Variants in XPO1 observed in about 807,000 individuals in gnomAD.
The protein encoded by XPO1 is exportin 1, also known as exportin-1.
XPO1 carries 5 observed loss-of-function variants against 133.3 expected under a neutral mutation model. The ratio of observed to expected loss-of-function variants is 0.04; its 90% confidence interval spans 0.02 to 0.08. The LOEUF (loss-of-function observed/expected upper bound fraction) is 0.08. Among genes scored for constraint, XPO1 ranks in the 10% least tolerant of loss-of-function variants. The pLI is 1.00. For missense variants in XPO1, 506 were observed against 1,267.5 expected, an observed-to-expected ratio of 0.40 and a Z score of 9.12; for synonymous variants, 419 against 408.2, an observed-to-expected ratio of 1.03 and a Z score of -0.32.
In XPO1 at chr2:61,490,377, TTAG is replaced by T. The variant is rs541971148; in HGVS notation, c.2022+262_2022+264del. The stretch of plus-strand genomic sequence containing the variant: ...CCACGCCCAGCTAATTTTTGTATTT[TTAG>T]TAGAGACGGGGTTTTGCCATGTTGG... On this transcript the variant is annotated intron_variant, in intron 17 of 24. Transcript: ENST00000401558. Among the ~76,000 whole-genome samples, 9 of 152,178 alleles carry T rather than the reference TTAG, an allele frequency of 5.9e-5. No homozygotes were observed. The East Asian group carries it at 1.7e-3, about 29-fold the overall frequency.
At chr2:61,531,771 T>C (rs1699162446) in intron 2 of XPO1, among the ~76,000 whole-genome samples, 1 of 152,238 alleles carries the variant, frequency 6.6e-6, no homozygotes, top group African/African-American at 2.4e-5. Flanking sequence ...TAAAGCTTCA[T>C]GTTGAATGTA....
chr2:61,525,693 G>C, intron 3 of XPO1: 4 of 1,026,314 alleles, frequency 3.9e-6, no homozygotes, highest in Non-Finnish European at 4.7e-6. Context: ...CTGTATTTTT[G>C]ACCTAAAATT....
chr2:61,507,414 A>C (rs569681896), intron 4 of XPO1, among the ~76,000 whole-genome samples: 1 of 152,074 alleles, frequency 6.6e-6, no homozygotes, highest in South Asian at 2.1e-4. Flanking sequence ...TTTCCACAAA[A>C]AATAAAAAAA....
chr2:61,509,124 C>T (rs1333339972), intron 4 of XPO1, among the ~76,000 whole-genome samples: 1 of 152,016 alleles, frequency 6.6e-6, no homozygotes, highest in African/African-American at 2.4e-5. Context: ...CCTCAGCCTC[C>T]CAGAGTAGCT....
chr2:61,483,675 CA>C (rs1696524968), intron 21 of XPO1: 1 of 339,468 alleles, frequency 2.9e-6, no homozygotes, highest in South Asian at 4.4e-5. Context: ...TGAACTTCTA[CA>C]ACATCACTAC....
chr2:61,531,073 A>G (rs901352380), intron 2 of XPO1, among the ~76,000 whole-genome samples: 1 of 152,160 alleles, frequency 6.6e-6, no homozygotes, highest in Non-Finnish European at 1.5e-5. Flanking sequence ...AACACTAAAA[A>G]TCATGTTTTC....
At chr2:61,481,903 T>C (rs1370069069) in intron 23 of XPO1, among the ~76,000 whole-genome samples, 6 of 151,744 alleles carry the variant, frequency 4.0e-5, no homozygotes, top group Admixed American at 3.9e-4. Flanking sequence ...GCCCAACTAA[T>C]TTTTTGTATT....
intron 1 of XPO1, chr2:61,537,265 G>A (rs1335206351): frequency 2.7e-5 from 4 of 150,862 alleles, no homozygotes; most frequent in African/African-American, 9.8e-5. Context: ...CTCCCACCCC[G>A]CGCGGGGCCC....
chr2:61,527,424 G>A (rs573721849), intron 2 of XPO1, among the ~76,000 whole-genome samples: 1 of 151,850 alleles, frequency 6.6e-6, no homozygotes, highest in Admixed American at 6.6e-5. Context: ...GGAAATCAAG[G>A]TTGCACCGAG....
At chr2:61,496,066 C>T (rs1697226037) in intron 10 of XPO1, among the ~76,000 whole-genome samples, 1 of 152,152 alleles carries the variant, frequency 6.6e-6, no homozygotes, top group Non-Finnish European at 1.5e-5. Context: ...TCTTATATCT[C>T]TAGGACTTAG....
At chr2:61,537,383 G>A (rs1348784488) in intron 1 of XPO1, among the ~76,000 whole-genome samples, 179 bp downstream of exon 1, 1 of 150,436 alleles carries the variant, frequency 6.6e-6, no homozygotes, top group Non-Finnish European at 1.5e-5. Context: ...TCCCCCAGCG[G>A]CAAAAGCGGC....
chr2:61,484,094 T>G lies in XPO1; in HGVS notation c.2520A>C (p.Glu840Asp). 6.2e-7 allele frequency: 1 copy of G among 1,611,788 alleles called. No homozygotes were observed. Among genetic ancestry groups the G allele is most frequent in the East Asian group, 2.2e-5 (1 of 44,818 alleles). The part of the protein sequence containing the change: ...TLNMINKDFE[E>D]YPEHRTNFFL... ...AAAAGTTCGTTCTATGTTCAGGATA[T>G]TCTTCAAAGTCCTAAAAATAAGTGG... The change falls in exon 21 of 25, where the codon GAA becomes GAC. Residue 840 changes from glutamate (E) to aspartate (D), a missense_variant. Glu to Asp is a conservative substitution (Grantham distance 45). Coordinates refer to ENST00000401558, the MANE Select transcript of XPO1 (RefSeq NM_003400.4).
intron 4 of XPO1, among the ~76,000 whole-genome samples, chr2:61,518,060 G>A (rs1698482514): frequency 6.6e-6 from 1 of 151,768 alleles, no homozygotes; most frequent in Non-Finnish European, 1.5e-5. Context: ...AGCCCAGGAG[G>A]CAGAGGGTGC....
intron 2 of XPO1, among the ~76,000 whole-genome samples, chr2:61,530,754 T>A (rs377061846): frequency 1.3e-5 from 2 of 150,480 alleles, no homozygotes; most frequent in African/African-American, 4.8e-5. Context: ...TACCTACAGC[T>A]TTTTTTCCCA....
chr2:61,503,208 C>G (rs913455698), intron 4 of XPO1, among the ~76,000 whole-genome samples: 2 of 151,568 alleles, frequency 1.3e-5, no homozygotes, highest in Admixed American at 6.6e-5. Context: ...CCGCCCTCCT[C>G]GGCCTCCCAA....
chr2:61,481,367 G>A (rs1298077742), intron 23 of XPO1, 86 bp from the exon 24 acceptor site: 1 of 942,786 alleles, frequency 1.1e-6, no homozygotes, highest in Non-Finnish European at 1.6e-6. Context: ...GGAGTACAGT[G>A]GCATGATCTC....
rs547618058 is a variant in XPO1, at chr2:61,502,201, T to G, written c.363+48A>C. The G allele has an allele frequency of 1.3e-5, 20 of 1,593,310 alleles. No individual in the cohort carries two copies. In the South Asian group the frequency reaches 2.2e-4, roughly 17 times the overall value. On this transcript the variant is annotated intron_variant, in intron 5 of 24. Coordinates refer to ENST00000401558, the MANE Select transcript of XPO1 (RefSeq NM_003400.4). ...AATTAGGTTGTAGTCAGACTCAATATCTAAATGATTTTATGCTCTCCCAAT... is the reference window on the plus strand; with the variant it reads ...AATTAGGTTGTAGTCAGACTCAATAGCTAAATGATTTTATGCTCTCCCAAT...
chr2:61,483,740 A>T (rs1696530338), intron 21 of XPO1, 197 bp downstream of exon 21: 1 of 564,586 alleles, frequency 1.8e-6, no homozygotes, highest in African/African-American at 1.9e-5. Context: ...CTCTCCCCAT[A>T]ACTCAATTCT....
chr2:61,496,518 G>T (rs750239091), intron 10 of XPO1, among the ~76,000 whole-genome samples: 1 of 152,116 alleles, frequency 6.6e-6, no homozygotes, highest in African/African-American at 2.4e-5. Flanking sequence ...CATGAACACA[G>T]TATTATGAAT....
Sources: allele counts gnomAD v4.1 joint callset (sites outside exome capture counted in the v4.1 genomes callset), GRCh38; gene constraint gnomAD v4.1.1; transcripts MANE v1.5; gene names NCBI Gene and HGNC (gene_info 2026-07-23, HGNC 2026-07-21).